Variants in GMEB1 observed in about 807,000 individuals in gnomAD.
GMEB1 encodes glucocorticoid modulatory element binding protein 1, also known as glucocorticoid modulatory element-binding protein 1.
In GMEB1, 6 loss-of-function variants were observed where a neutral mutation model predicts 52.4. The observed-to-expected ratio is 0.11, with a 90% CI of 0.06 to 0.23. The LOEUF (loss-of-function observed/expected upper bound fraction) is 0.23. Among genes scored for constraint, GMEB1 ranks in the 10% least tolerant of loss-of-function variants. The pLI is 1.00. For missense variants in GMEB1, 486 were observed against 685.6 expected, an observed-to-expected ratio of 0.71 and a Z score of 3.25; for synonymous variants, 255 against 244.9, an observed-to-expected ratio of 1.04 and a Z score of -0.38.
At chr1:28,684,898 C>G (rs1669567724) in intron 2 of GMEB1, among the ~76,000 whole-genome samples, 1 of 152,152 alleles carries the variant, frequency 6.6e-6, no homozygotes, top group South Asian at 2.1e-4. Context: ...TCTAATCCCA[C>G]TCTTACACAG....
At chr1:28,680,073 G>T (rs1229172113) in intron 1 of GMEB1, among the ~76,000 whole-genome samples, 1 of 152,006 alleles carries the variant, frequency 6.6e-6, no homozygotes, top group Non-Finnish European at 1.5e-5. Flanking sequence ...CTCCCAAAGT[G>T]CAGGGATTAC....
In GMEB1 at chr1:28,670,298, G is replaced by A. The variant is rs1450128359; in HGVS notation, c.-31+1459G>A. ...CTCCCGAGTAGCTGGGACTACAGGC[G>A]CGTGCCACCACACCAGCCAATTTTG... is the stretch of plus-strand genomic sequence containing the variant. On this transcript the variant is annotated intron_variant, in intron 1 of 9. Coordinates refer to ENST00000373816, the MANE Select transcript of GMEB1 (RefSeq NM_001319674.2). Among the ~76,000 whole-genome samples, 7 of 151,946 alleles carry A rather than the reference G, an allele frequency of 4.6e-5. No homozygotes were observed. The South Asian group carries it at 1.2e-3, about 27-fold the overall frequency.
intron 1 of GMEB1, among the ~76,000 whole-genome samples, chr1:28,672,635 A>G (rs1183328307): frequency 6.6e-6 from 1 of 151,700 alleles, no homozygotes; most frequent in East Asian, 1.9e-4. Context: ...ATATGTATAC[A>G]TGTGCCATGT....
chr1:28,669,160 G>A (rs1668760863), intron 1 of GMEB1, among the ~76,000 whole-genome samples: 1 of 151,228 alleles, frequency 6.6e-6, no homozygotes. Context: ...TCCACCACTG[G>A]GGGGGCCCCG....
intron 2 of GMEB1, among the ~76,000 whole-genome samples, chr1:28,684,993 T>TCCAA (rs1669572316): frequency 6.6e-6 from 1 of 151,972 alleles, no homozygotes; most frequent in Non-Finnish European, 1.5e-5. Flanking sequence ...GAGATAGGGG[T>TCCAA]CTTGCTTTGT....
chr1:28,687,381 C>CAAAAAAAAAAA lies in GMEB1; in HGVS notation c.129-2722_129-2721insAAAAAAAAAAA, dbSNP rs1157094477. Among the ~76,000 whole-genome samples, 83 of 27,154 alleles carry CAAAAAAAAAAA rather than the reference C, an allele frequency of 3.1e-3. 22 individuals carry two copies. The highest frequency in any genetic ancestry group is 8.2e-3 in the East Asian group (4 of 488). 17.8% of individuals were successfully genotyped at this position (27,154 alleles called of 152,430 possible). A position where few individuals can be genotyped will look rare whatever the true frequency, so the allele number is the denominator to read the frequency against. On this transcript the variant is annotated intron_variant, in intron 2 of 9. Coordinates refer to ENST00000373816, the MANE Select transcript of GMEB1 (RefSeq NM_001319674.2). ...ACACACACACACACACACACACACA[C>CAAAAAAAAAAA]ACACACAAAAAAAGACAGTGGAGAA...
intron 5 of GMEB1, among the ~76,000 whole-genome samples, chr1:28,694,669 C>A (rs1286260499): frequency 6.6e-6 from 1 of 151,406 alleles, no homozygotes; most frequent in Non-Finnish European, 1.5e-5. Context: ...ATTTTCTTAA[C>A]ATAGGTTTTT....
chr1:28,701,552 G>A (rs1214874540), intron 6 of GMEB1, among the ~76,000 whole-genome samples: 1 of 152,084 alleles, frequency 6.6e-6, no homozygotes, highest in African/African-American at 2.4e-5. Flanking sequence ...ACAGGCGTGA[G>A]CCACTGCGCC....
intron 9 of GMEB1, 85 bp downstream of exon 9, chr1:28,710,727 AC>A: frequency 2.1e-6 from 2 of 973,608 alleles, no homozygotes; most frequent in Non-Finnish European, 1.3e-6. Flanking sequence ...TGTTGGGGTA[AC>A]TTTTTTTTTT....
chr1:28,690,719 G>T (rs569212873), intron 3 of GMEB1, among the ~76,000 whole-genome samples: 7 of 152,130 alleles, frequency 4.6e-5, no homozygotes, highest in Non-Finnish European at 1.0e-4. Context: ...AGTGGCTCAC[G>T]CCTGTAATCC....
chr1:28,674,530 G>A (rs1299464302), intron 1 of GMEB1, among the ~76,000 whole-genome samples: 2 of 151,732 alleles, frequency 1.3e-5, no homozygotes, highest in Admixed American at 1.3e-4. Flanking sequence ...GAGTAGCTGA[G>A]ATTACAGACA....
intron 2 of GMEB1, among the ~76,000 whole-genome samples, chr1:28,684,356 G>T (rs1201897559): frequency 6.6e-6 from 1 of 152,020 alleles, no homozygotes; most frequent in Non-Finnish European, 1.5e-5. Flanking sequence ...GAGGTCAGGA[G>T]ATCAAGACCA....
At chr1:28,703,452 G>A (rs552022064) in intron 7 of GMEB1, among the ~76,000 whole-genome samples, 16 of 151,978 alleles carry the variant, frequency 1.1e-4, no homozygotes, top group African/African-American at 3.1e-4. Flanking sequence ...ACCTGAGGTC[G>A]GGAGTTCGAG....
intron 5 of GMEB1, among the ~76,000 whole-genome samples, chr1:28,694,381 A>C (rs1670102255): frequency 6.7e-6 from 1 of 150,130 alleles, no homozygotes; most frequent in Non-Finnish European, 1.5e-5. Flanking sequence ...TTTTTAATAG[A>C]GACGGGGTTT....
intron 6 of GMEB1, 78 bp downstream of exon 6, chr1:28,697,162 C>CATATATATAT (rs71586855): frequency 0.016 from 2,339 of 148,474 alleles, 73 homozygotes; most frequent in African/African-American, 0.039. Flanking sequence ...CTTGTGTGTA[C>CATATATATAT]ATATATATAT....
chr1:28,675,825 G>C (rs772275105), intron 1 of GMEB1, among the ~76,000 whole-genome samples: 4 of 152,152 alleles, frequency 2.6e-5, no homozygotes, highest in African/African-American at 9.7e-5. Flanking sequence ...TTTTGTTGCT[G>C]TAAACAAGAG....
At chr1:28,675,774 A>G (rs1354082086) in intron 1 of GMEB1, among the ~76,000 whole-genome samples, 1 of 152,194 alleles carries the variant, frequency 6.6e-6, no homozygotes. Context: ...TGCATACTCC[A>G]AAGCCCCGAA....
At chr1:28,678,878 C>T (rs1669273255) in intron 1 of GMEB1, among the ~76,000 whole-genome samples, 1 of 151,880 alleles carries the variant, frequency 6.6e-6, no homozygotes, top group South Asian at 2.1e-4. Flanking sequence ...GGTGCCTGGC[C>T]CTTTTCTAGT....
At chr1:28,678,829 C>G (rs993130429) in intron 1 of GMEB1, among the ~76,000 whole-genome samples, 2 of 151,998 alleles carry the variant, frequency 1.3e-5, no homozygotes, top group South Asian at 4.1e-4. Context: ...TTAAGCAATC[C>G]GCCCACCTCA....
Sources: allele counts gnomAD v4.1 joint callset (sites outside exome capture counted in the v4.1 genomes callset), GRCh38; gene constraint gnomAD v4.1.1; transcripts MANE v1.5; gene names NCBI Gene and HGNC (gene_info 2026-07-23, HGNC 2026-07-21).